TPR: variants seen among roughly 807,000 people sequenced by gnomAD.
TPR encodes the protein translocated promoter region, nuclear basket protein.
In TPR, 51 loss-of-function variants were observed where a neutral mutation model predicts 316.1. The observed-to-expected ratio is 0.16, with a 90% confidence interval of 0.13 to 0.20. TPR has a LOEUF of 0.20. Ranked by LOEUF, TPR falls within the 10% of genes least tolerant of loss-of-function variation. The pLI, the probability that TPR is intolerant of heterozygous loss-of-function variation, is 1.00. For missense variants in TPR, 2,272 were observed against 2,754.8 expected (o/e 0.82, Z 3.92); for synonymous variants, 981 against 914.7 (o/e 1.07, Z -1.31).
At chr1:186,334,734 C>T (rs1658286685) in intron 35 of TPR, among the ~76,000 whole-genome samples, 1 of 152,050 alleles carries the variant, frequency 6.6e-6, no homozygotes, top group Non-Finnish European at 1.5e-5. Context: ...ATGTATCTAG[C>T]TGTTGAATTG....
At chr1:186,337,307 C>T in intron 31 of TPR, 151 bp from the exon 32 acceptor site, 1 of 941,266 alleles carries the variant, frequency 1.1e-6, no homozygotes, top group Non-Finnish European at 1.5e-6. Flanking sequence ...CAACTGTAAT[C>T]TCCAAAAATG....
rs772818441 is a variant in TPR at position 186,344,088 on chromosome 1, A to G, written c.3420T>C (p.Asp1140=). 1.9e-5 allele frequency: 31 copies of G among 1,612,386 alleles called. No homozygotes were observed. The South Asian group carries it at 3.2e-4, about 17-fold the overall frequency. The change falls in exon 26 of 51, where the codon GAT becomes GAC. Residue 1140 remains aspartate, a splice_region_variant and synonymous_variant. Transcript: ENST00000367478. ...AGCGACATACACATTTGGAAACTTC[A>G]TCCTGCAAGCCAAGAGTCTATCAGA... The part of the protein sequence containing the change: ...SWEERERMLK[D]EVSKCVCRCE...
chr1:186,362,763 T>C (rs1659235303), intron 6 of TPR, 74 bp downstream of exon 6: 1 of 1,305,702 alleles, frequency 7.7e-7, no homozygotes, highest in East Asian at 2.4e-5. Context: ...CACTACTGAA[T>C]ACATATTTAA....
At chr1:186,359,352 G>A (rs1453633735) in intron 12 of TPR, among the ~76,000 whole-genome samples, 2 of 151,758 alleles carry the variant, frequency 1.3e-5, no homozygotes, top group African/African-American at 2.4e-5. Flanking sequence ...ATAGAGACAC[G>A]CCAAATTGTG....
At position 186,374,960 on chromosome 1, in the gene TPR, GT is replaced by G; in HGVS notation, c.68del (p.Asn23ThrfsTer17). ...GATCAGCAAGGAACTTTTCAAGTTT[GT>G]TCTGGACAGACTTGGGCAGCTTGTT... ...ELNKLPKSVQNKLEKFLADQQ... is the reference protein window; with the variant it reads ...ELNKLPKSVQXKLEKFLADQQ... On this transcript the variant is annotated frameshift_variant, in exon 1 of 51. Coordinates refer to ENST00000367478, the MANE Select transcript of TPR (RefSeq NM_003292.3). LOFTEE classifies it high-confidence loss of function. 6.2e-7 allele frequency: 1 copy of G among 1,613,894 alleles called. No homozygotes were observed. Among genetic ancestry groups the G allele is most frequent in the Non-Finnish European group, 8.5e-7 (1 of 1,179,796 alleles).
In TPR at chr1:186,312,276, G is replaced by A; in HGVS notation, c.*1695C>T. 1 of 1,614,012 alleles carries A rather than the reference G, an allele frequency of 6.2e-7. No individual in the cohort carries two copies. Among genetic ancestry groups the A allele is most frequent in the Non-Finnish European group, 8.5e-7 (1 of 1,179,962 alleles). On this transcript the variant is annotated 3_prime_UTR_variant, in exon 51 of 51. Transcript: ENST00000367478. Reference sequence around the variant, plus strand: ...TCCAGTGTATGGAGAAACGACACAGGTTAGGAGACGTCGCTTTGAACGTGC... The same window carrying A: ...TCCAGTGTATGGAGAAACGACACAGATTAGGAGACGTCGCTTTGAACGTGC...
chr1:186,344,403 G>A lies in TPR; in HGVS notation c.3389C>T (p.Ser1130Phe), dbSNP rs1658613833. Residue 1130 changes from serine to phenylalanine, a missense_variant, in exon 25 of 51, where the codon TCT becomes TTT. Transcript: ENST00000367478. ...AESQLLECKA[S>F]WEERERMLKD... ...TAACATTCTCTCTCTTTCCTCCCAA[G>A]ATGCTTTACACTCCAACAACTGTGA... 2 of 1,613,754 alleles carry A rather than the reference G, an allele frequency of 1.2e-6. No homozygotes were observed. Among genetic ancestry groups the A allele is most frequent in the African/African-American group, 1.3e-5 (1 of 74,904 alleles).
Position 186,355,549 on chromosome 1 carries a change from T to C in TPR, c.2032A>G (p.Ile678Val), listed in dbSNP as rs1265428661. The C allele has an allele frequency of 5.6e-6, 9 of 1,611,584 alleles. No individual in the cohort carries two copies. The highest frequency in any genetic ancestry group is 2.2e-5 in the East Asian group (1 of 44,866). Reference sequence around the variant, plus strand: ...TTTTCTTTTTTGTAGTTCTCAAAAATTTCCTGCAACTAAATATTGGAGATT... The same window carrying C: ...TTTTCTTTTTTGTAGTTCTCAAAAACTTCCTGCAACTAAATATTGGAGATT... ...AKAALKQLQE[I>V]FENYKKEKAE... Residue 678 changes from isoleucine to valine, a missense_variant, in exon 17 of 51, where the codon ATT becomes GTT. This residue lies in a region of TPR where 757 missense variants were observed against 859.8 expected (regional missense o/e 0.88). Coordinates refer to ENST00000367478, the MANE Select transcript of TPR (RefSeq NM_003292.3).
intron 10 of TPR, 124 bp downstream of exon 10, chr1:186,360,614 GTATTAATTTTAAAACAAATTCTATTAA>G (rs1659157577): frequency 1.9e-6 from 2 of 1,061,502 alleles, no homozygotes; most frequent in Non-Finnish European, 2.7e-6. Flanking sequence ...ACAGGTAAGA[GTATTAATTTTAAAACAAATTCTATTAA>G]TATAACTCGA....
intron 4 of TPR, among the ~76,000 whole-genome samples, chr1:186,367,440 A>C (rs1659384868): frequency 6.6e-6 from 1 of 152,178 alleles, no homozygotes; most frequent in East Asian, 1.9e-4. Context: ...TATATACTAC[A>C]GTCTATGTTT....
chr1:186,360,704 T>C (rs981994677), intron 10 of TPR, 61 bp downstream of exon 10: 1 of 1,592,824 alleles, frequency 6.3e-7, no homozygotes, highest in African/African-American at 1.4e-5. Flanking sequence ...TGAAATTAAA[T>C]GACTTTTATG....
intron 43 of TPR, among the ~76,000 whole-genome samples, chr1:186,323,391 A>T (rs1657825325): frequency 6.6e-6 from 1 of 152,200 alleles, no homozygotes. Context: ...ATGTACTTTA[A>T]TTAAAACCCA....
chr1:186,360,151 T>C, intron 11 of TPR, 122 bp downstream of exon 11: 1 of 1,335,152 alleles, frequency 7.5e-7, no homozygotes, highest in Non-Finnish European at 1.0e-6. Flanking sequence ...AAGCCTTTCC[T>C]AGAATGATCC....
At chr1:186,338,381 AG>A in intron 30 of TPR, 138 bp from the exon 31 acceptor site, 1 of 665,914 alleles carries the variant, frequency 1.5e-6, no homozygotes, top group Non-Finnish European at 2.4e-6. Context: ...TATACTTCAA[AG>A]GTAAGACCTT....
At position 186,348,900 on chromosome 1, in the gene TPR, A is replaced by G. The variant is rs528596701; in HGVS notation, c.2776+1323T>C. Reference sequence around the variant, plus strand: ...TGGAAAGAATGTTTTATCACATGATATCAATAGGAAAGTATATAATTATCT... The same window carrying G: ...TGGAAAGAATGTTTTATCACATGATGTCAATAGGAAAGTATATAATTATCT... On this transcript the variant is annotated intron_variant, in intron 21 of 50. Coordinates refer to ENST00000367478, the MANE Select transcript of TPR (RefSeq NM_003292.3). Among the ~76,000 whole-genome samples, 7 of 152,328 alleles carry G rather than the reference A, an allele frequency of 4.6e-5. No individual in the cohort carries two copies. The East Asian group carries it at 1.4e-3, about 29-fold the overall frequency.
chr1:186,315,686 T>G (rs1657588969), intron 49 of TPR, among the ~76,000 whole-genome samples: 3 of 151,690 alleles, frequency 2.0e-5, no homozygotes, highest in Admixed American at 2.0e-4. Context: ...GCTTCTGGTA[T>G]CCATGACAGC....
intron 33 of TPR, among the ~76,000 whole-genome samples, 156 bp from the exon 34 acceptor site, chr1:186,335,699 T>C (rs943208874): frequency 1.3e-5 from 2 of 152,156 alleles, no homozygotes; most frequent in African/African-American, 2.4e-5. Context: ...AAGTTCTAAG[T>C]ACATTCATGC....
chr1:186,368,048 T>C (rs1659399151), intron 3 of TPR, 66 bp from the exon 4 acceptor site: 4 of 1,185,980 alleles, frequency 3.4e-6, no homozygotes, highest in Middle Eastern at 2.3e-4. Context: ...GAACATAGAA[T>C]TGTCACTTTA....
intron 27 of TPR, 188 bp downstream of exon 27, chr1:186,343,138 G>T: frequency 3.4e-6 from 2 of 587,534 alleles, no homozygotes; most frequent in South Asian, 5.6e-5. Context: ...AAACCAGGCA[G>T]TTTGGTTACA....
Sources: gnomAD v4.1 joint callset for allele counts (sites outside exome capture counted in the v4.1 genomes callset) on GRCh38, gnomAD v4.1.1 for gene constraint, gnomAD v4.1.1 regional missense constraint, MANE v1.5 for transcripts, NCBI Gene and HGNC (gene_info 2026-07-23, HGNC 2026-07-21) for gene names.